Variants in TXNRD1 observed in about 807,000 individuals in gnomAD.
TXNRD1 encodes the protein thioredoxin reductase 1, cytoplasmic.
In TXNRD1, 57 loss-of-function variants were observed where a neutral mutation model predicts 80.3. That is an observed-to-expected ratio of 0.71 (90% CI 0.57 to 0.89). The LOEUF is 0.89. Ranked by LOEUF, TXNRD1 falls within the 40% of genes least tolerant of loss-of-function variation. The pLI, the probability that TXNRD1 is intolerant of heterozygous loss-of-function variation, is 0.00. For missense variants in TXNRD1, 730 were observed against 803.0 expected, an observed-to-expected ratio of 0.91 and a Z score of 1.10; for synonymous variants, 291 against 285.2, an observed-to-expected ratio of 1.02 and a Z score of -0.20.
At chr12:104,216,755 A>T (rs750633482) in intron 1 of TXNRD1, among the ~76,000 whole-genome samples, 1 of 152,268 alleles carries the variant, frequency 6.6e-6, no homozygotes, top group Non-Finnish European at 1.5e-5. Flanking sequence ...CCCTGGTCAT[A>T]GTCATATGGC....
intron 3 of TXNRD1, among the ~76,000 whole-genome samples, chr12:104,282,339 T>TA (rs796844950): frequency 2.0e-5 from 3 of 152,332 alleles, no homozygotes; most frequent in African/African-American, 7.2e-5. Flanking sequence ...TGCAGAGAAT[T>TA]ACATTCTTGG....
chr12:104,244,273 T>C (rs1456106359), intron 1 of TXNRD1, among the ~76,000 whole-genome samples: 1 of 152,140 alleles, frequency 6.6e-6, no homozygotes, highest in East Asian at 1.9e-4. Flanking sequence ...TATGAAGATG[T>C]TTCTTGAGGA....
chr12:104,290,349 C>T (rs905763317), intron 4 of TXNRD1, among the ~76,000 whole-genome samples: 4 of 152,046 alleles, frequency 2.6e-5, no homozygotes, highest in African/African-American at 7.2e-5. Context: ...TATTGTGTTA[C>T]TCAGACCTTT....
At chr12:104,277,976 ACTCC>A (rs2033791755) in intron 3 of TXNRD1, among the ~76,000 whole-genome samples, 1 of 147,942 alleles carries the variant, frequency 6.8e-6, no homozygotes, top group Non-Finnish European at 1.5e-5. Context: ...TCCCGGGTTC[ACTCC>A]ATTCTCCTGC....
intron 15 of TXNRD1, among the ~76,000 whole-genome samples, chr12:104,335,545 A>G (rs1773743249): frequency 6.6e-6 from 1 of 152,168 alleles, no homozygotes. Flanking sequence ...CCTGTGAGCA[A>G]ACTCTATACC....
intron 14 of TXNRD1, 40 bp downstream of exon 14, chr12:104,331,681 C>CTT: frequency 7.6e-7 from 1 of 1,318,476 alleles, no homozygotes; most frequent in South Asian, 1.3e-5. Context: ...TATATCACTA[C>CTT]TTTTTTTTCT....
At chr12:104,284,235 C>A (rs1353243500) in intron 3 of TXNRD1, 1 of 152,220 alleles carries the variant, frequency 6.6e-6, no homozygotes, top group Non-Finnish European at 1.5e-5. Context: ...GTGGTCTTAA[C>A]TTTAAAGTGA....
intron 3 of TXNRD1, among the ~76,000 whole-genome samples, chr12:104,276,005 C>G (rs2033749648): frequency 6.6e-6 from 1 of 152,150 alleles, no homozygotes; most frequent in South Asian, 2.1e-4. Context: ...AGTTTGCCAG[C>G]AGAAAAGCCA....
intron 3 of TXNRD1, among the ~76,000 whole-genome samples, chr12:104,261,188 A>T (rs1478796420): frequency 6.8e-6 from 1 of 146,776 alleles, no homozygotes; most frequent in Non-Finnish European, 1.5e-5. Flanking sequence ...ATTGAGATGG[A>T]GTTTTGCTCT....
chr12:104,319,972 C>G (rs2035470602), intron 9 of TXNRD1, among the ~76,000 whole-genome samples: 1 of 152,124 alleles, frequency 6.6e-6, no homozygotes, highest in Non-Finnish European at 1.5e-5. Context: ...AAATGAGGAT[C>G]ATGTATTACC....
intron 3 of TXNRD1, chr12:104,287,194 C>A: frequency 6.3e-7 from 1 of 1,586,108 alleles, no homozygotes; most frequent in Non-Finnish European, 8.6e-7. Context: ...GCGGGGACGA[C>A]AGCATTGCGC....
At chr12:104,307,287 CTA>C (rs2135795810) in intron 4 of TXNRD1, among the ~76,000 whole-genome samples, 1 of 152,256 alleles carries the variant, frequency 6.6e-6, no homozygotes, top group East Asian at 1.9e-4. Context: ...GCTAGTCTGT[CTA>C]TATACTGGAT....
chr12:104,231,599 G>C (rs1051525022), intron 1 of TXNRD1, among the ~76,000 whole-genome samples: 1 of 152,158 alleles, frequency 6.6e-6, no homozygotes, highest in African/African-American at 2.4e-5. Flanking sequence ...GTTTTGATTT[G>C]ATCTTTAAGT....
At chr12:104,216,191 G>A (rs2032204390) in intron 1 of TXNRD1, among the ~76,000 whole-genome samples, 1 of 152,268 alleles carries the variant, frequency 6.6e-6, no homozygotes, top group Admixed American at 6.5e-5. Flanking sequence ...ACCGAACCGA[G>A]ATCTCGGCAG....
intron 2 of TXNRD1, among the ~76,000 whole-genome samples, chr12:104,257,242 G>T (rs12314235): frequency 0.085 from 12,814 of 151,416 alleles, 782 homozygotes; most frequent in African/African-American, 0.17. Context: ...TTTTTTGTTT[G>T]TTTGTTTTAT....
rs369360512 is a variant in TXNRD1, at chr12:104,284,457, G to A, written c.305-4474G>A. On this transcript the variant is annotated intron_variant, in intron 3 of 16. Coordinates refer to ENST00000525566, the MANE Select transcript of TXNRD1 (RefSeq NM_001093771.3). ...AAAGATCATTCTAGCTCAGTATGGT[G>A]TGTGTGTGTGTATGAGAGAAAGGCT... The A allele has an allele frequency of 5.9e-5, 9 of 152,124 alleles. No individual in the cohort carries two copies. The East Asian group carries it at 1.5e-3, about 26-fold the overall frequency. The allele number at this position is 152,124 out of a possible 1,614,324, so 9.4% of individuals were successfully genotyped here.
chr12:104,227,742 A>G (rs185374118), intron 1 of TXNRD1, among the ~76,000 whole-genome samples: 4 of 152,320 alleles, frequency 2.6e-5, no homozygotes, highest in Non-Finnish European at 5.9e-5. Context: ...CCATCAATAT[A>G]GTTTTGTCTT....
intron 9 of TXNRD1, among the ~76,000 whole-genome samples, chr12:104,320,646 GTTTTT>G (rs777199543): frequency 4.8e-5 from 7 of 146,232 alleles, no homozygotes; most frequent in African/African-American, 1.5e-4. Context: ...GATATTGAAA[GTTTTT>G]TTTTTTTTCT....
At position 104,301,345 on chromosome 12, in the gene TXNRD1, A is replaced by AT. The variant is rs914767063; in HGVS notation, c.415-9935dup. Among the ~76,000 whole-genome samples the AT allele has an allele frequency of 1.5e-3, 221 of 149,608 alleles. 2 individuals are homozygous for AT. In the East Asian group the frequency reaches 0.024, roughly 16 times the overall value. Reference sequence around the variant, plus strand: ...TTCTTTTGTAAGTAGCTTTTGTTGAATTTTTTTTTTGAGATGGAGTCTCGC... The same window carrying AT: ...TTCTTTTGTAAGTAGCTTTTGTTGAATTTTTTTTTTTGAGATGGAGTCTCGC... On this transcript the variant is annotated intron_variant, in intron 4 of 16. Coordinates refer to ENST00000525566, the MANE Select transcript of TXNRD1 (RefSeq NM_001093771.3).
Sources: gnomAD v4.1 joint callset for allele counts (sites outside exome capture counted in the v4.1 genomes callset) on GRCh38, gnomAD v4.1.1 for gene constraint, MANE v1.5 for transcripts, NCBI Gene and HGNC (gene_info 2026-07-23, HGNC 2026-07-21) for gene names.